Variants in PADI6 observed in about 807,000 individuals in gnomAD.
PADI6 encodes the protein inactive protein-arginine deiminase type-6.
A neutral mutation model predicts 78.2 loss-of-function variants in PADI6; 66 were observed. That is an observed-to-expected ratio of 0.84 (90% CI 0.69 to 1.04). The LOEUF is 1.04. Among genes scored for constraint, PADI6 ranks in the 50% least tolerant of loss-of-function variants. The probability of loss-of-function intolerance (pLI) is 0.00; values close to 1 mark genes in which losing one functional copy is unlikely to be tolerated. For missense variants in PADI6, 854 were observed against 866.1 expected (o/e 0.99, Z 0.18); for synonymous variants, 397 against 346.9 (o/e 1.14, Z -1.60).
intron 8 of PADI6, among the ~76,000 whole-genome samples, chr1:17,391,712 G>A (rs1028088899): frequency 1.3e-5 from 2 of 152,214 alleles, no homozygotes; most frequent in Admixed American, 6.5e-5. Context: ...CTACTGTGGG[G>A]GGCCGAGGCA....
At chr1:17,392,272 C>G (rs1440273757) in intron 9 of PADI6, 47 bp downstream of exon 9, 1 of 1,391,304 alleles carries the variant, frequency 7.2e-7, no homozygotes, top group South Asian at 1.2e-5. Context: ...GGTGGGGAGA[C>G]TCAGCATGTG....
chr1:17,372,215 G>C lies in PADI6; in HGVS notation c.-31G>C, dbSNP rs759859859. ...GCCCTGGGGCGTCTGAGGCTGCTGT[G>C]CTGAGTGAGGGCTGCGGTGCAGGCC... On this transcript the variant is annotated 5_prime_UTR_variant, in exon 1 of 16. Transcript: ENST00000619609. 6.3e-7 allele frequency: 1 copy of C among 1,597,698 alleles called. No individual in the cohort carries two copies. The highest frequency in any genetic ancestry group is 1.1e-5 in the South Asian group (1 of 90,734).
Position 17,398,709 on chromosome 1 carries a change from C to A in PADI6, c.1713C>A (p.Asp571Glu). The A allele has an allele frequency of 7.2e-7, 1 of 1,379,352 alleles. No individual in the cohort carries two copies. 85.4% of individuals were successfully genotyped at this position (1,379,352 alleles called of 1,614,324 possible). The change falls in exon 15 of 16, where the codon GAC (aspartate) becomes GAA (glutamate). Residue 571 changes from aspartate to glutamate, a missense_variant. Coordinates refer to ENST00000619609, the MANE Select transcript of PADI6 (RefSeq NM_207421.4). ...AGAAGTGCATTCACCTGAACCGTGA[C>A]ATCCTGAAGACGGAGCTGGGCCTGG... ...YVEKCIHLNR[D>E]ILKTELGLVE...
chr1:17,388,303 G>C (rs1361160512), intron 6 of PADI6, 78 bp from the exon 7 acceptor site: 2 of 1,328,726 alleles, frequency 1.5e-6, no homozygotes, highest in East Asian at 5.0e-5. Context: ...TATGAGGAAT[G>C]AGCTGGTACC....
intron 1 of PADI6, among the ~76,000 whole-genome samples, chr1:17,372,566 G>A (rs1421421494): frequency 1.3e-5 from 2 of 152,138 alleles, no homozygotes; most frequent in Non-Finnish European, 2.9e-5. Flanking sequence ...CCCTGTAGCA[G>A]CTGCCATGGA....
At position 17,397,136 on chromosome 1, in the gene PADI6, G is replaced by A. The variant is rs914753698; in HGVS notation, c.1684G>A (p.Val562Met). ...DESLKKQNEYVEKCIHLNRDI... is the reference protein window; with the variant it reads ...DESLKKQNEYMEKCIHLNRDI... ...AAGCCTGAAGAAGCAGAATGAATAC[G>A]TGGAGGTAGGACCAGTGTGAAGGGG... The change falls in exon 14 of 16, where the codon GTG (valine) becomes ATG (methionine). Residue 562 changes from valine to methionine, a missense_variant. Val to Met is a conservative substitution (Grantham distance 21). Transcript: ENST00000619609. 3.7e-6 allele frequency: 6 copies of A among 1,613,692 alleles called. No individual in the cohort carries two copies. The African/African-American group carries it at 4.0e-5, about 11-fold the overall frequency.
chr1:17,401,357 G>A lies in PADI6; in HGVS notation c.2004G>A (p.Leu668=). The part of the protein sequence containing the change: ...CTFINDFDCY[L]TEVGDICACA... Reference sequence around the variant, plus strand: ...TCATCAATGACTTTGACTGTTACCTGACAGAGGTCGGAGACATCTGTGCCT... The same window carrying A: ...TCATCAATGACTTTGACTGTTACCTAACAGAGGTCGGAGACATCTGTGCCT... The change falls in exon 16 of 16, where the codon CTG becomes CTA. Residue 668 remains leucine, a synonymous_variant. Transcript: ENST00000619609. 2 of 1,614,056 alleles carry A rather than the reference G, an allele frequency of 1.2e-6. No individual in the cohort carries two copies. The highest frequency in any genetic ancestry group is 1.7e-6 in the Non-Finnish European group (2 of 1,179,902).
intron 13 of PADI6, among the ~76,000 whole-genome samples, chr1:17,395,986 G>A (rs780716137): frequency 3.0e-4 from 46 of 152,166 alleles, no homozygotes; most frequent in Admixed American, 5.2e-4. Context: ...GTTGGATTAA[G>A]TATCTAGGGA....
At chr1:17,385,108 C>A (rs954112445) in intron 6 of PADI6, among the ~76,000 whole-genome samples, 1 of 152,164 alleles carries the variant, frequency 6.6e-6, no homozygotes, top group African/African-American at 2.4e-5. Context: ...ACCTGTAATC[C>A]CAGCACTTTG....
At chr1:17,397,275 C>A in intron 14 of PADI6, 134 bp downstream of exon 14, 1 of 950,306 alleles carries the variant, frequency 1.1e-6, no homozygotes, top group Non-Finnish European at 1.6e-6. Flanking sequence ...CCCTTTCTTC[C>A]AGGTCTTGAT....
At chr1:17,394,534 A>G in intron 11 of PADI6, 80 bp downstream of exon 11, 2 of 1,460,110 alleles carry the variant, frequency 1.4e-6, no homozygotes, top group Non-Finnish European at 1.9e-6. Flanking sequence ...TTCCCATAGC[A>G]CCTCAGCAGG....
intron 15 of PADI6, among the ~76,000 whole-genome samples, chr1:17,399,648 G>A (rs775199481): frequency 2.6e-5 from 4 of 151,302 alleles, no homozygotes; most frequent in Non-Finnish European, 5.9e-5. Flanking sequence ...GTTCTAGTAC[G>A]TTGGGAGGCT....
At position 17,372,263 on chromosome 1, in the gene PADI6, C is replaced by T. The variant is rs530006912; in HGVS notation, c.18C>T (p.Gly6=). The change falls in exon 1 of 16, where the codon GGC becomes GGT. Residue 6 remains glycine, a synonymous_variant. Coordinates refer to ENST00000619609, the MANE Select transcript of PADI6 (RefSeq NM_207421.4). ...GCCTGAGGATGGTCAGCGTGGAGGG[C>T]CGAGCCATGTCCTTCCAGAGTATCA... The part of the protein sequence containing the change: MVSVE[G]RAMSFQSIIH... The T allele has an allele frequency of 4.3e-6, 7 of 1,613,948 alleles. No homozygotes were observed. Among genetic ancestry groups the T allele is most frequent in the Non-Finnish European group, 5.1e-6 (6 of 1,179,856 alleles).
intron 8 of PADI6, among the ~76,000 whole-genome samples, chr1:17,391,875 G>A (rs993393927): frequency 6.6e-6 from 1 of 152,210 alleles, no homozygotes; most frequent in Non-Finnish European, 1.5e-5. Flanking sequence ...GGAAGGGGCC[G>A]CCACTGGCAC....
In PADI6 at chr1:17,382,034, G is replaced by C; in HGVS notation, c.621G>C (p.Arg207=). The C allele has an allele frequency of 6.2e-7, 1 of 1,613,952 alleles. No individual in the cohort carries two copies. Among genetic ancestry groups the C allele is most frequent in the Non-Finnish European group, 8.5e-7 (1 of 1,179,812 alleles). ...QGPSCILKKY[R]LVLHTSKEES... ...CCAGCTGTATCTTAAAGAAATATCG[G>C]CTAGTCCTCCATACCTCCAAGGAAG... Residue 207 remains arginine, a synonymous_variant, in exon 6 of 16, where the codon CGG becomes CGC. Coordinates refer to ENST00000619609, the MANE Select transcript of PADI6 (RefSeq NM_207421.4).
rs1452500194 is a variant in PADI6 at position 17,389,766 on chromosome 1, G to T, written c.962+886G>T. On this transcript the variant is annotated intron_variant, in intron 8 of 15. Transcript: ENST00000619609. ...ATGGAAAGTCAGGTACAGATAAAAG[G>T]TGGAAGACCAGTCTAGACACAGCAT... Among the ~76,000 whole-genome samples, 8 of 152,200 alleles carry T rather than the reference G, an allele frequency of 5.3e-5. 1 individual carries two copies. Among genetic ancestry groups the T allele is most frequent in the African/African-American group, 1.9e-4 (8 of 41,460 alleles).
At chr1:17,392,557 G>A (rs973613530) in intron 9 of PADI6, among the ~76,000 whole-genome samples, 8 of 152,206 alleles carry the variant, frequency 5.3e-5, no homozygotes, top group African/African-American at 1.7e-4. Flanking sequence ...GCCTGACTCT[G>A]GCACAGCACC....
At chr1:17,390,680 C>G (rs1251028951) in intron 8 of PADI6, among the ~76,000 whole-genome samples, 1 of 151,910 alleles carries the variant, frequency 6.6e-6, no homozygotes, top group Non-Finnish European at 1.5e-5. Flanking sequence ...GGGCAGGGCT[C>G]CTGGGGAGTG....
chr1:17,381,863 T>C, intron 5 of PADI6, 104 bp from the exon 6 acceptor site: 1 of 1,367,082 alleles, frequency 7.3e-7, no homozygotes, highest in Non-Finnish European at 1.0e-6. Context: ...AGGGGGTCCT[T>C]GGTGCTCTGT....
Sources: allele counts gnomAD v4.1 joint callset (sites outside exome capture counted in the v4.1 genomes callset), GRCh38; gene constraint gnomAD v4.1.1; transcripts MANE v1.5; gene names NCBI Gene and HGNC (gene_info 2026-07-23, HGNC 2026-07-21).